The following CTNNA2 variants were observed in gnomAD, a reference collection of about 807,000 sequenced individuals.
CTNNA2 encodes catenin alpha 2.
A neutral mutation model predicts 101.0 loss-of-function variants in CTNNA2; 42 were observed. The ratio of observed to expected loss-of-function variants is 0.42; its 90% CI spans 0.32 to 0.54. The LOEUF (loss-of-function observed/expected upper bound fraction) is 0.54, where lower values mean the gene tolerates loss of function less well. Among genes scored for constraint, CTNNA2 ranks in the 20% least tolerant of loss-of-function variants. The pLI is 0.14. For synonymous variants in CTNNA2, 450 were observed against 456.4 expected, an observed-to-expected ratio of 0.99 and a Z score of 0.18; for missense variants, 871 against 1,223.1, an observed-to-expected ratio of 0.71 and a Z score of 4.29.
intron 2 of CTNNA2, among the ~76,000 whole-genome samples, chr2:79,232,530 T>A (rs1031463144): frequency 1.3e-5 from 2 of 152,224 alleles, no homozygotes; most frequent in African/African-American, 2.4e-5. Context: ...CATGTTTTGC[T>A]ATCAGAATGA....
chr2:80,472,737 T>C (rs1021483904), intron 9 of CTNNA2, among the ~76,000 whole-genome samples: 4 of 152,036 alleles, frequency 2.6e-5, no homozygotes, highest in African/African-American at 9.7e-5. Flanking sequence ...AGATGGAGCC[T>C]ATGCAGGGCC....
chr2:79,228,393 C>G (rs762087924), intron 2 of CTNNA2, among the ~76,000 whole-genome samples: 1 of 152,206 alleles, frequency 6.6e-6, no homozygotes, highest in Non-Finnish European at 1.5e-5. Context: ...ATTCCCTTCT[C>G]TCCGCAGCCT....
intron 4 of CTNNA2, among the ~76,000 whole-genome samples, chr2:79,400,673 A>G (rs776560782): frequency 3.9e-5 from 6 of 151,978 alleles, no homozygotes; most frequent in Admixed American, 6.6e-5. Context: ...CAGGCACACT[A>G]TTTTACACAT....
chr2:79,802,545 G>C (rs1012224180), intron 3 of CTNNA2, among the ~76,000 whole-genome samples: 1 of 152,152 alleles, frequency 6.6e-6, no homozygotes, highest in Non-Finnish European at 1.5e-5. Flanking sequence ...CTCTGGCCCA[G>C]ATATGCGGCT....
chr2:79,871,370 G>A (rs561725023), intron 5 of CTNNA2, among the ~76,000 whole-genome samples: 9 of 152,276 alleles, frequency 5.9e-5, no homozygotes, highest in African/African-American at 2.2e-4. Context: ...AATCTTGTAT[G>A]GTAGCCCAAT....
intron 7 of CTNNA2, among the ~76,000 whole-genome samples, chr2:80,381,106 A>C (rs749582055): frequency 6.6e-6 from 1 of 151,996 alleles, no homozygotes; most frequent in Admixed American, 6.6e-5. Flanking sequence ...GATTCACCTA[A>C]GCCTGAGGAG....
At chr2:80,228,516 A>T (rs1709019510) in intron 7 of CTNNA2, among the ~76,000 whole-genome samples, 1 of 152,208 alleles carries the variant, frequency 6.6e-6, no homozygotes, top group Non-Finnish European at 1.5e-5. Flanking sequence ...GGGGGTGAGC[A>T]CAAATATTCA....
chr2:79,238,957 A>G (rs185505782), intron 2 of CTNNA2, among the ~76,000 whole-genome samples: 60 of 152,228 alleles, frequency 3.9e-4, no homozygotes, highest in African/African-American at 1.4e-3. Context: ...TTAAAAATAA[A>G]TTTTTATTTT....
In CTNNA2 at chr2:79,566,961, T is replaced by C. The variant is rs1384047359; in HGVS notation, c.-6+53754T>C. 2.0e-5 allele frequency among the ~76,000 whole-genome samples: 3 copies of C among 152,132 alleles called. No homozygotes were observed. In the East Asian group the frequency reaches 5.8e-4, roughly 29 times the overall value. On this transcript the variant is annotated intron_variant, in intron 1 of 18. Transcript: ENST00000402739. ...GAAACTCATGATAAAATATCAAATG[T>C]TCAACGTTGACAAGAACGTAAATGA...
chr2:79,326,627 G>A (rs185180038), intron 3 of CTNNA2, among the ~76,000 whole-genome samples: 10 of 152,216 alleles, frequency 6.6e-5, no homozygotes, highest in Non-Finnish European at 1.5e-4. Flanking sequence ...CATGTTTGAC[G>A]CTGGTTAGGA....
chr2:79,677,386 C>A (rs1445256854), intron 2 of CTNNA2, among the ~76,000 whole-genome samples: 1 of 152,102 alleles, frequency 6.6e-6, no homozygotes, highest in African/African-American at 2.4e-5. Context: ...TCTTTGGACT[C>A]TTTCTTCCCT....
At chr2:79,851,984 C>T (rs981690789) in intron 3 of CTNNA2, among the ~76,000 whole-genome samples, 2 of 151,956 alleles carry the variant, frequency 1.3e-5, no homozygotes, top group East Asian at 1.9e-4. Context: ...ATGATCTGCC[C>T]GCCTCAGCCT....
At chr2:79,377,282 A>G (rs550750920) in intron 4 of CTNNA2, among the ~76,000 whole-genome samples, 13 of 152,280 alleles carry the variant, frequency 8.5e-5, no homozygotes, top group Non-Finnish European at 1.6e-4. Context: ...CCCCATCCCA[A>G]CAATAAGGAA....
chr2:80,365,664 AG>A (rs1674858254), intron 7 of CTNNA2, among the ~76,000 whole-genome samples: 2 of 152,246 alleles, frequency 1.3e-5, no homozygotes, highest in South Asian at 4.1e-4. Flanking sequence ...TTTAAAAAAA[AG>A]ATGCTCTCTA....
At chr2:79,977,562 T>G (rs1051569768) in intron 7 of CTNNA2, among the ~76,000 whole-genome samples, 2 of 152,116 alleles carry the variant, frequency 1.3e-5, no homozygotes, top group African/African-American at 2.4e-5. Flanking sequence ...TCCTAGAAAA[T>G]ATTTCTGTTC....
chr2:79,242,989 TATATACAC>T (rs1449273016), intron 2 of CTNNA2, among the ~76,000 whole-genome samples: 3 of 92,108 alleles, frequency 3.3e-5, no homozygotes, highest in African/African-American at 1.0e-4. Flanking sequence ...TATATATATA[TATATACAC>T]ACACACACAC....
At chr2:79,585,994 A>G (rs1676461971) in intron 1 of CTNNA2, among the ~76,000 whole-genome samples, 1 of 152,156 alleles carries the variant, frequency 6.6e-6, no homozygotes, top group Non-Finnish European at 1.5e-5. Flanking sequence ...AAAAAGACTC[A>G]GAAAATTGTG....
chr2:79,388,473 T>A (rs1321276784), intron 4 of CTNNA2, among the ~76,000 whole-genome samples: 4 of 152,220 alleles, frequency 2.6e-5, no homozygotes, highest in African/African-American at 9.6e-5. Context: ...ATTGACTATT[T>A]AGGTCTCCAG....
chr2:80,095,881 G>T (rs2148828865), intron 7 of CTNNA2, among the ~76,000 whole-genome samples: 1 of 152,092 alleles, frequency 6.6e-6, no homozygotes, highest in East Asian at 1.9e-4. Flanking sequence ...GCGTCAATTT[G>T]ATTCTTCTCT....
Sources: allele counts gnomAD v4.1 joint callset (sites outside exome capture counted in the v4.1 genomes callset), GRCh38; gene constraint gnomAD v4.1.1; transcripts MANE v1.5; gene names NCBI Gene and HGNC (gene_info 2026-07-23, HGNC 2026-07-21).